The following HS6ST3 variants were observed in gnomAD, a reference collection of about 807,000 sequenced individuals.
HS6ST3 encodes heparan sulfate 6-O-sulfotransferase 3, also known as heparan-sulfate 6-O-sulfotransferase 3.
HS6ST3 carries 12 observed loss-of-function variants against 36.7 expected under a neutral mutation model. The observed-to-expected ratio is 0.33, with a 90% CI of 0.21 to 0.53. The LOEUF (loss-of-function observed/expected upper bound fraction) is 0.53. Among genes scored for constraint, HS6ST3 ranks in the 20% least tolerant of loss-of-function variants. The pLI, the probability that HS6ST3 is intolerant of heterozygous loss-of-function variation, is 0.95. For missense variants in HS6ST3, 584 were observed against 640.9 expected, an observed-to-expected ratio of 0.91 and a Z score of 0.96; for synonymous variants, 240 against 257.5, an observed-to-expected ratio of 0.93 and a Z score of 0.65.
At chr13:96,295,991 T>C (rs1356418388) in intron 1 of HS6ST3, among the ~76,000 whole-genome samples, 1 of 152,146 alleles carries the variant, frequency 6.6e-6, no homozygotes, top group East Asian at 1.9e-4. Flanking sequence ...GTGTGCCCAT[T>C]GTCTAGTCTA....
intron 1 of HS6ST3, among the ~76,000 whole-genome samples, chr13:96,827,554 C>T (rs1025272091): frequency 7.1e-6 from 1 of 140,322 alleles, no homozygotes; most frequent in Non-Finnish European, 1.6e-5. Flanking sequence ...AGATTCAGAA[C>T]CATAAGATAG....
chr13:96,308,893 G>A (rs894700183), intron 1 of HS6ST3, among the ~76,000 whole-genome samples: 1 of 152,190 alleles, frequency 6.6e-6, no homozygotes, highest in East Asian at 1.9e-4. Flanking sequence ...GAGTTTTACC[G>A]ATAGGAAATC....
At chr13:96,445,944 G>A (rs966940655) in intron 1 of HS6ST3, among the ~76,000 whole-genome samples, 20 of 151,890 alleles carry the variant, frequency 1.3e-4, no homozygotes, top group African/African-American at 2.4e-4. Flanking sequence ...AGGCCGAGGC[G>A]GGCAGATCAC....
chr13:96,335,274 A>T (rs2055094914), intron 1 of HS6ST3, among the ~76,000 whole-genome samples: 1 of 152,156 alleles, frequency 6.6e-6, no homozygotes, highest in African/African-American at 2.4e-5. Context: ...AGGTTAAAAG[A>T]AGTTGAAAAG....
At chr13:96,489,401 C>T (rs2055933515) in intron 1 of HS6ST3, among the ~76,000 whole-genome samples, 1 of 151,244 alleles carries the variant, frequency 6.6e-6, no homozygotes, top group Admixed American at 6.6e-5. Flanking sequence ...CACACACACA[C>T]ACATATAGTT....
At chr13:96,200,647 C>T (rs371492709) in intron 1 of HS6ST3, among the ~76,000 whole-genome samples, 1 of 152,066 alleles carries the variant, frequency 6.6e-6, no homozygotes, top group Non-Finnish European at 1.5e-5. Context: ...TTTGTTATAT[C>T]TGTTGCTTTT....
intron 1 of HS6ST3, among the ~76,000 whole-genome samples, chr13:96,201,402 C>T (rs1037793742): frequency 6.6e-6 from 1 of 151,642 alleles, no homozygotes; most frequent in African/African-American, 2.4e-5. Flanking sequence ...TAATATTGGT[C>T]TTTACACAAA....
intron 1 of HS6ST3, among the ~76,000 whole-genome samples, chr13:96,570,332 T>C (rs2056296555): frequency 6.6e-6 from 1 of 152,246 alleles, no homozygotes; most frequent in South Asian, 2.1e-4. Context: ...TCATTTGTAT[T>C]CCCACACCTC....
At chr13:96,174,705 A>G (rs1462486319) in intron 1 of HS6ST3, among the ~76,000 whole-genome samples, 1 of 152,234 alleles carries the variant, frequency 6.6e-6, no homozygotes, top group Non-Finnish European at 1.5e-5. Flanking sequence ...GAAAACCAAT[A>G]AGGAACATTT....
chr13:96,208,271 C>A (rs73549134), intron 1 of HS6ST3, among the ~76,000 whole-genome samples: 66 of 152,116 alleles, frequency 4.3e-4, no homozygotes, highest in African/African-American at 1.5e-3. Context: ...AAAAATTATT[C>A]TTTTAATGAT....
chr13:96,683,242 G>A (rs1228135156), intron 1 of HS6ST3, among the ~76,000 whole-genome samples: 2 of 152,020 alleles, frequency 1.3e-5, no homozygotes, highest in Non-Finnish European at 2.9e-5. Context: ...TGTCTTATCT[G>A]TGCCTCAGTT....
rs555301894 is a variant in HS6ST3, at chr13:96,679,303, T to A, written c.708-153187T>A. ...AGCTAAAGTGGACTGATGTCTGAGC[T>A]AATTAATTAACAATATGAGACTTGA... On this transcript the variant is annotated intron_variant, in intron 1 of 1. Transcript: ENST00000376705. 1.2e-3 allele frequency among the ~76,000 whole-genome samples: 188 copies of A among 151,786 alleles called. 1 individual carries two copies. Among genetic ancestry groups the A allele is most frequent in the African/African-American group, 3.7e-3 (155 of 41,354 alleles).
At chr13:96,826,402 T>C (rs1246667455) in intron 1 of HS6ST3, among the ~76,000 whole-genome samples, 1 of 152,234 alleles carries the variant, frequency 6.6e-6, no homozygotes, top group East Asian at 1.9e-4. Context: ...AGTGATAATG[T>C]TCTTTTACAT....
chr13:96,358,888 C>CTATT, intron 1 of HS6ST3, among the ~76,000 whole-genome samples: 3 of 151,968 alleles, frequency 2.0e-5, no homozygotes, highest in East Asian at 3.9e-4. Flanking sequence ...ATCTATCTAT[C>CTATT]TATCTATCTA....
At chr13:96,765,308 C>G (rs112941066) in intron 1 of HS6ST3, among the ~76,000 whole-genome samples, 5 of 151,790 alleles carry the variant, frequency 3.3e-5, no homozygotes, top group Admixed American at 6.5e-5. Context: ...TCCTGACCTC[C>G]TGATCTGCCC....
intron 1 of HS6ST3, among the ~76,000 whole-genome samples, chr13:96,621,600 AC>A (rs1297670892): frequency 6.6e-6 from 1 of 152,176 alleles, no homozygotes; most frequent in Non-Finnish European, 1.5e-5. Flanking sequence ...TCCAAGACTG[AC>A]CTTCTTCAAG....
chr13:96,435,233 C>G (rs536833180), intron 1 of HS6ST3, among the ~76,000 whole-genome samples: 1 of 152,208 alleles, frequency 6.6e-6, no homozygotes, highest in East Asian at 1.9e-4. Flanking sequence ...CTCATCGTTC[C>G]TTCATTTATT....
At chr13:96,178,499 G>C (rs1179930457) in intron 1 of HS6ST3, among the ~76,000 whole-genome samples, 2 of 151,910 alleles carry the variant, frequency 1.3e-5, no homozygotes, top group Non-Finnish European at 2.9e-5. Flanking sequence ...ACACTGTGCT[G>C]GTAAATTTTT....
intron 1 of HS6ST3, among the ~76,000 whole-genome samples, chr13:96,565,806 C>T (rs1269187848): frequency 6.6e-6 from 1 of 152,046 alleles, no homozygotes; most frequent in Admixed American, 6.6e-5. Flanking sequence ...AATAAGATCC[C>T]CCCTACCCCA....
Sources: allele counts gnomAD v4.1 joint callset (sites outside exome capture counted in the v4.1 genomes callset), GRCh38; gene constraint gnomAD v4.1.1; transcripts MANE v1.5; gene names NCBI Gene and HGNC (gene_info 2026-07-23, HGNC 2026-07-21).